The following GNAO1 variants were observed in gnomAD, a reference collection of about 807,000 sequenced individuals.
GNAO1 encodes the protein guanine nucleotide-binding protein G(o) subunit alpha.
For synonymous variants in GNAO1, 164 were observed against 180.7 expected, an observed-to-expected ratio of 0.91 and a Z score of 0.74; for missense variants, 166 against 478.7, an observed-to-expected ratio of 0.35 and a Z score of 6.10.
chr16:56,264,761 T>C, intron 2 of GNAO1, among the ~76,000 whole-genome samples: 1 of 148,616 alleles, frequency 6.7e-6, no homozygotes, highest in East Asian at 1.9e-4. Flanking sequence ...AGTATTTTAA[T>C]ATAGTATTAT....
At position 56,356,448 on chromosome 16, in the gene GNAO1, T is replaced by TGG. The variant is rs1345894321; in HGVS notation, c.*379_*380dup. Reference sequence around the variant, plus strand: ...GCGGCGCAGCCCCTGGAGCTCCTGCTGGGGGGCAGGGCCCATCTGCCGCCT... The same window carrying TGG: ...GCGGCGCAGCCCCTGGAGCTCCTGCTGGGGGGGGCAGGGCCCATCTGCCGCCT... On this transcript the variant is annotated 3_prime_UTR_variant, in exon 9 of 9. Coordinates refer to ENST00000262493, the MANE Select transcript of GNAO1 (RefSeq NM_020988.3). 1 of 152,420 alleles carries TGG rather than the reference T, an allele frequency of 6.6e-6. No individual in the cohort carries two copies. Among genetic ancestry groups the TGG allele is most frequent in the African/African-American group, 2.4e-5 (1 of 41,452 alleles). 9.4% of individuals were successfully genotyped at this position (152,420 alleles called of 1,614,324 possible). A position where few individuals can be genotyped will look rare whatever the true frequency, so the allele number is the denominator to read the frequency against.
intron 6 of GNAO1, chr16:56,340,746 C>T: frequency 8.3e-7 from 1 of 1,198,694 alleles, no homozygotes; most frequent in Non-Finnish European, 1.2e-6. Context: ...GTGGACCTTC[C>T]CTTTGCTTGT....
chr16:56,353,246 A>G (rs1382019848), intron 7 of GNAO1: 1 of 152,276 alleles, frequency 6.6e-6, no homozygotes, highest in Non-Finnish European at 1.5e-5. Flanking sequence ...CCCTCAGGCC[A>G]GGGCTACCCT....
chr16:56,330,524 A>G (rs866297956), intron 4 of GNAO1, among the ~76,000 whole-genome samples: 18 of 152,198 alleles, frequency 1.2e-4, no homozygotes, highest in African/African-American at 4.1e-4. Context: ...ATGAGAAGTA[A>G]TCTTCCTACT....
At chr16:56,322,272 A>T (rs2398147) in intron 3 of GNAO1, among the ~76,000 whole-genome samples, 1 of 151,556 alleles carries the variant, frequency 6.6e-6, no homozygotes, top group South Asian at 2.1e-4. Context: ...GAGAACATGC[A>T]TGTGTTTTGT....
intron 2 of GNAO1, among the ~76,000 whole-genome samples, chr16:56,215,984 C>T (rs1281579727): frequency 6.6e-6 from 1 of 152,178 alleles, no homozygotes; most frequent in East Asian, 1.9e-4. Flanking sequence ...TGGATGTGTA[C>T]CTCTGCTCCC....
intron 2 of GNAO1, among the ~76,000 whole-genome samples, chr16:56,238,101 AT>A (rs1596814523): frequency 6.6e-6 from 1 of 151,238 alleles, no homozygotes; most frequent in Non-Finnish European, 1.5e-5. Flanking sequence ...CCCATCACAG[AT>A]CCCCCCCCGC....
intron 2 of GNAO1, among the ~76,000 whole-genome samples, chr16:56,240,382 G>A (rs1056208929): frequency 3.3e-5 from 5 of 152,284 alleles, no homozygotes; most frequent in Middle Eastern, 3.4e-3. Context: ...CTTGCCTCTG[G>A]TGTCTGGCTG....
At chr16:56,318,417 CG>C (rs1350491066) in intron 3 of GNAO1, among the ~76,000 whole-genome samples, 3 of 152,236 alleles carry the variant, frequency 2.0e-5, no homozygotes, top group South Asian at 2.1e-4. Flanking sequence ...CCGCCGGGCC[CG>C]GCCCTGCAAT....
chr16:56,320,936 CTTT>C (rs1467946109), intron 3 of GNAO1, among the ~76,000 whole-genome samples: 1 of 152,196 alleles, frequency 6.6e-6, no homozygotes, highest in African/African-American at 2.4e-5. Context: ...CCCAGACTGC[CTTT>C]AGTGTGCAGC....
chr16:56,297,522 GGTGTGTGTGTGTGTGTGTGTGTGTGTGT>G (rs10545712), intron 3 of GNAO1, among the ~76,000 whole-genome samples: 4 of 134,328 alleles, frequency 3.0e-5, no homozygotes, highest in Admixed American at 7.3e-5. Context: ...TTGTCTAACT[GGTGTGTGTGTGTGTGTGTGTGTGTGTGT>G]GTGTGTGTGT....
chr16:56,298,024 T>C (rs1193889857), intron 3 of GNAO1, among the ~76,000 whole-genome samples: 1 of 151,652 alleles, frequency 6.6e-6, no homozygotes, highest in Non-Finnish European at 1.5e-5. Context: ...AATAAAAAAT[T>C]AGCCAGCCAT....
At chr16:56,312,049 C>T (rs1015530768) in intron 3 of GNAO1, among the ~76,000 whole-genome samples, 3 of 152,182 alleles carry the variant, frequency 2.0e-5, no homozygotes, top group Admixed American at 6.5e-5. Flanking sequence ...ACCCTGCCCT[C>T]GGGGAGACAG....
chr16:56,306,052 C>T (rs189699110), intron 3 of GNAO1, among the ~76,000 whole-genome samples: 4 of 152,338 alleles, frequency 2.6e-5, no homozygotes, highest in Admixed American at 2.0e-4. Context: ...TCCCTGCCGT[C>T]CTCTGAGATG....
intron 6 of GNAO1, among the ~76,000 whole-genome samples, chr16:56,342,351 C>T (rs2037814370): frequency 6.6e-6 from 1 of 152,186 alleles, no homozygotes; most frequent in Admixed American, 6.5e-5. Flanking sequence ...GCACAGCAGC[C>T]CACTCCAGCT....
intron 2 of GNAO1, among the ~76,000 whole-genome samples, chr16:56,264,871 A>T (rs2036937175): frequency 6.6e-6 from 1 of 150,960 alleles, no homozygotes; most frequent in Non-Finnish European, 1.5e-5. Flanking sequence ...AATAATTACT[A>T]AAGTGGTCAT....
At chr16:56,347,797 C>A in intron 6 of GNAO1, 1 of 965,046 alleles carries the variant, frequency 1.0e-6, no homozygotes, top group African/African-American at 1.8e-5. Flanking sequence ...CTCTCCCCTC[C>A]CCTCCACACC....
intron 6 of GNAO1, chr16:56,347,691 G>A (rs1225726643): frequency 2.7e-5 from 27 of 985,416 alleles, no homozygotes; most frequent in African/African-American, 5.3e-5. Flanking sequence ...GAGACCCACC[G>A]CCCTTCCTGG....
intron 8 of GNAO1, chr16:56,355,390 G>A (rs895663333): frequency 1.3e-5 from 2 of 152,460 alleles, no homozygotes; most frequent in Non-Finnish European, 2.9e-5. Flanking sequence ...AGCTTGGTTT[G>A]GGAGTCCCTC....
Sources: gnomAD v4.1 joint callset for allele counts (sites outside exome capture counted in the v4.1 genomes callset) on GRCh38, gnomAD v4.1.1 for gene constraint, MANE v1.5 for transcripts, NCBI Gene and HGNC (gene_info 2026-07-23, HGNC 2026-07-21) for gene names.